The following CIB3 variants were observed in gnomAD, a reference collection of about 807,000 sequenced individuals.
The protein encoded by CIB3 is calcium and integrin-binding family member 3.
A neutral mutation model predicts 23.4 loss-of-function variants in CIB3; 22 were observed. The ratio of observed to expected loss-of-function variants is 0.94; its 90% CI spans 0.67 to 1.34. The LOEUF (loss-of-function observed/expected upper bound fraction) is 1.34. Among genes scored for constraint, CIB3 ranks in the 40% most tolerant of loss-of-function variants. The pLI is 0.00. For synonymous variants in CIB3, 93 were observed against 95.8 expected (o/e 0.97, Z 0.17); for missense variants, 258 against 247.3 (o/e 1.04, Z -0.29).
chr19:16,166,808 G>C (rs941432076), intron 4 of CIB3, among the ~76,000 whole-genome samples: 1 of 152,290 alleles, frequency 6.6e-6, no homozygotes, highest in Admixed American at 6.5e-5. Context: ...GGCAGGGCAC[G>C]GTGGCTCATG....
chr19:16,173,229 C>T lies in CIB3; in HGVS notation c.52-33G>A, dbSNP rs568358098. 26 of 1,614,028 alleles carry T rather than the reference C, an allele frequency of 1.6e-5. No individual in the cohort carries two copies. In the South Asian group the frequency reaches 2.1e-4, roughly 13 times the overall value. On this transcript the variant is annotated intron_variant, in intron 1 of 5. Coordinates refer to ENST00000269878, the MANE Select transcript of CIB3 (RefSeq NM_054113.4). Reference sequence around the variant, plus strand: ...GAGAGGTGTTGTCTTAACCCGAACCCTGCCTCTGGGGCCTCCTCCCACGGC... The same window carrying T: ...GAGAGGTGTTGTCTTAACCCGAACCTTGCCTCTGGGGCCTCCTCCCACGGC...
chr19:16,167,993 G>T, intron 4 of CIB3, 144 bp downstream of exon 4: 3 of 996,590 alleles, frequency 3.0e-6, no homozygotes, highest in Admixed American at 5.3e-5. Flanking sequence ...AAATGAGGTG[G>T]GGAGGCATTG....
At chr19:16,165,292 CA>C (rs71178645) in intron 4 of CIB3, among the ~76,000 whole-genome samples, 1,183 of 79,942 alleles carry the variant, frequency 0.015, 16 homozygotes, top group African/African-American at 0.058. Flanking sequence ...AAACTCCGTC[CA>C]AAAAAAAAAA....
intron 2 of CIB3, among the ~76,000 whole-genome samples, chr19:16,172,951 C>CA (rs369353499): frequency 9.0e-4 from 96 of 106,280 alleles, no homozygotes; most frequent in African/African-American, 2.5e-3. Context: ...GACCCTGTCT[C>CA]AAAAAAAAAG....
rs527624872 is a variant in CIB3 at position 16,164,186 on chromosome 19, T to C, written c.542+532A>G. 7.9e-5 allele frequency among the ~76,000 whole-genome samples: 12 copies of C among 152,228 alleles called. No individual in the cohort carries two copies. The South Asian group carries it at 2.3e-3, about 29-fold the overall frequency. On this transcript the variant is annotated intron_variant, in intron 5 of 5. Coordinates refer to ENST00000269878, the MANE Select transcript of CIB3 (RefSeq NM_054113.4). Reference sequence around the variant, plus strand: ...TATGGACTCTCCTTATGTTCCCCAGTTTGGTCTCAAGCTCCTGGGGTCAAG... The same window carrying C: ...TATGGACTCTCCTTATGTTCCCCAGCTTGGTCTCAAGCTCCTGGGGTCAAG...
intron 2 of CIB3, among the ~76,000 whole-genome samples, chr19:16,171,710 C>A (rs1000951871): frequency 6.6e-6 from 1 of 152,174 alleles, no homozygotes; most frequent in Non-Finnish European, 1.5e-5. Context: ...GTGCATTTAC[C>A]CTTCAGCCTG....
In CIB3 at chr19:16,168,122, G is replaced by A; in HGVS notation, c.346+15C>T. ...CCCATCCCCATGCTTCCCAACCCCA[G>A]GGCCACGCACGCACCATAAATTTTA... On this transcript the variant is annotated intron_variant, in intron 4 of 5. Transcript: ENST00000269878. 1 of 1,451,572 alleles carries A rather than the reference G, an allele frequency of 6.9e-7. No individual in the cohort carries two copies. The allele number at this position is 1,451,572 out of a possible 1,614,324, so 89.9% of individuals were successfully genotyped here. A position where few individuals can be genotyped will look rare whatever the true frequency, so the allele number is the denominator to read the frequency against.
At chr19:16,168,518 G>A (rs1280104108) in intron 3 of CIB3, among the ~76,000 whole-genome samples, 2 of 152,208 alleles carry the variant, frequency 1.3e-5, no homozygotes, top group East Asian at 3.9e-4. Context: ...ACCCAGGCAA[G>A]GCCAATCAGA....
intron 5 of CIB3, among the ~76,000 whole-genome samples, chr19:16,163,179 T>C (rs2091292282): frequency 6.6e-6 from 1 of 152,098 alleles, no homozygotes; most frequent in Non-Finnish European, 1.5e-5. Context: ...GGAGGATCTC[T>C]TGAGCCGAGG....
intron 2 of CIB3, among the ~76,000 whole-genome samples, chr19:16,172,840 T>C (rs1225484838): frequency 6.6e-6 from 1 of 151,652 alleles, no homozygotes; most frequent in African/African-American, 2.4e-5. Flanking sequence ...TGGTCCTAGC[T>C]ACTCGAGAGG....
chr19:16,161,803 G>C (rs181807586), intron 5 of CIB3, among the ~76,000 whole-genome samples: 1 of 143,922 alleles, frequency 6.9e-6, no homozygotes, highest in African/African-American at 2.5e-5. Context: ...TCAGCCTCCC[G>C]AGTAGCTAGG....
chr19:16,171,916 C>T (rs770545824), intron 2 of CIB3, among the ~76,000 whole-genome samples: 1 of 152,258 alleles, frequency 6.6e-6, no homozygotes, highest in Non-Finnish European at 1.5e-5. Flanking sequence ...CCCTGGCCAG[C>T]TTGGGTTTCA....
chr19:16,173,418 C>G lies in CIB3; in HGVS notation c.51+7G>C, dbSNP rs146985412. 9.3e-6 allele frequency: 15 copies of G among 1,613,326 alleles called. No individual in the cohort carries two copies. The highest frequency in any genetic ancestry group is 4.0e-5 in the African/African-American group (3 of 74,904). On this transcript the variant is annotated splice_region_variant and intron_variant, in intron 1 of 5. Coordinates refer to ENST00000269878, the MANE Select transcript of CIB3 (RefSeq NM_054113.4). Reference sequence around the variant, plus strand: ...ACCCACTGAGGACCCATCCTGCCCCCCTCTACCTGATACGCTTCCAGCTGC... The same window carrying G: ...ACCCACTGAGGACCCATCCTGCCCCGCTCTACCTGATACGCTTCCAGCTGC...
intron 4 of CIB3, among the ~76,000 whole-genome samples, chr19:16,167,925 C>A (rs563960503): frequency 1.3e-5 from 2 of 152,290 alleles, no homozygotes; most frequent in South Asian, 4.1e-4. Context: ...GGCCCAGAGG[C>A]CGAAGACTGT....
intron 5 of CIB3, among the ~76,000 whole-genome samples, chr19:16,163,481 G>A (rs748014649): frequency 3.3e-5 from 5 of 152,132 alleles, no homozygotes; most frequent in Non-Finnish European, 5.9e-5. Context: ...CTTGAACCCA[G>A]GAGGTGGAAG....
At position 16,168,160 on chromosome 19, in the gene CIB3, G is replaced by A; in HGVS notation, c.323C>T (p.Ala108Val). The A allele has an allele frequency of 6.3e-7, 1 of 1,598,948 alleles. No individual in the cohort carries two copies. The highest frequency in any genetic ancestry group is 8.5e-7 in the Non-Finnish European group (1 of 1,171,284). ...MSEMAPRDLK[A>V]YYAFKIYDFN... ...ACCATAAATTTTAAAAGCATAGTAAGCCTTGAGGTCGCGGGGAGCCATTTC... is the reference window on the plus strand; with the variant it reads ...ACCATAAATTTTAAAAGCATAGTAAACCTTGAGGTCGCGGGGAGCCATTTC... The change falls in exon 4 of 6, where the codon GCT becomes GTT. Residue 108 changes from alanine to valine, a missense_variant. By Grantham distance (64) the Ala-to-Val change is moderately conservative (BLOSUM62 0). Transcript: ENST00000269878.
At chr19:16,171,599 G>A (rs552296088) in intron 2 of CIB3, among the ~76,000 whole-genome samples, 2 of 152,300 alleles carry the variant, frequency 1.3e-5, no homozygotes, top group South Asian at 4.1e-4. Flanking sequence ...GTGGCTCTGA[G>A]CATGTTCCTC....
intron 2 of CIB3, among the ~76,000 whole-genome samples, chr19:16,170,165 A>C (rs8103868): frequency 0.68 from 103,194 of 151,952 alleles, 35,942 homozygotes; most frequent in East Asian, 0.95. Flanking sequence ...CCCCAAGAAC[A>C]CTCAGCCCTG....
chr19:16,166,247 C>T (rs1382502669), intron 4 of CIB3, among the ~76,000 whole-genome samples: 9 of 152,054 alleles, frequency 5.9e-5, no homozygotes, highest in Non-Finnish European at 1.2e-4. Context: ...TCTGAGATCG[C>T]GCCATTGCAC....
Sources: gnomAD v4.1 joint callset for allele counts (sites outside exome capture counted in the v4.1 genomes callset) on GRCh38, gnomAD v4.1.1 for gene constraint, MANE v1.5 for transcripts, NCBI Gene and HGNC (gene_info 2026-07-23, HGNC 2026-07-21) for gene names.